Variants in HCN4 observed in about 807,000 individuals in gnomAD.
The protein encoded by HCN4 is hyperpolarization activated cyclic nucleotide gated potassium channel 4.
In HCN4, 29 loss-of-function variants were observed where a neutral mutation model predicts 76.9. The ratio of observed to expected loss-of-function variants is 0.38; its 90% CI spans 0.28 to 0.51. The LOEUF is 0.51. Ranked by LOEUF, HCN4 falls within the 20% of genes least tolerant of loss-of-function variation. The pLI is 0.90. For missense variants in HCN4, 1,416 were observed against 1,715.2 expected, an observed-to-expected ratio of 0.83 and a Z score of 3.08; for synonymous variants, 772 against 762.5, an observed-to-expected ratio of 1.01 and a Z score of -0.21.
Position 73,325,562 on chromosome 15 carries a change from C to A in HCN4, c.1591-118G>T, listed in dbSNP as rs899010840. 1.9e-6 allele frequency: 2 copies of A among 1,033,662 alleles called. No individual in the cohort carries two copies. Among genetic ancestry groups the A allele is most frequent in the African/African-American group, 3.1e-5 (2 of 63,794 alleles). 64.0% of individuals were successfully genotyped at this position (1,033,662 alleles called of 1,614,324 possible). On this transcript the variant is annotated intron_variant, in intron 4 of 7. Transcript: ENST00000261917. This position sits in a 1 kb window ranked among gnomAD's most constrained non-coding sequence, Gnocchi z 7.4. ...CACCCCGGGGGATTTCCTGGCTAAA[C>A]TTGGTTCCTTGAGATCTGAGGTCTA... is the stretch of plus-strand genomic sequence containing the variant.
At chr15:73,331,691 T>C (rs2042933655) in intron 3 of HCN4, among the ~76,000 whole-genome samples, 1 of 152,140 alleles carries the variant, frequency 6.6e-6, no homozygotes, top group South Asian at 2.1e-4. Context: ...GGGATCCCCC[T>C]GCCTCGGCCT....
Position 73,325,593 on chromosome 15 carries a change from T to C in HCN4, c.1591-149A>G. 1 of 797,534 alleles carries C rather than the reference T, an allele frequency of 1.3e-6. No individual in the cohort carries two copies. The highest frequency in any genetic ancestry group is 2.1e-6 in the Non-Finnish European group (1 of 472,500). 49.4% of individuals were successfully genotyped at this position (797,534 alleles called of 1,614,324 possible). A position where few individuals can be genotyped will look rare whatever the true frequency, so the allele number is the denominator to read the frequency against. The stretch of plus-strand genomic sequence containing the variant: ...TCCTTGAGATCTGAGGTCTACAGTG[T>C]GGAAATGACCTCACTGTGCTCAAAA... On this transcript the variant is annotated intron_variant, in intron 4 of 7. Coordinates refer to ENST00000261917, the MANE Select transcript of HCN4 (RefSeq NM_005477.3). The surrounding 1 kb of genome is among the most constrained non-coding windows in gnomAD (Gnocchi z 7.4).
At chr15:73,340,201 GT>G (rs1302283608) in intron 2 of HCN4, among the ~76,000 whole-genome samples, 2 of 152,228 alleles carry the variant, frequency 1.3e-5, no homozygotes, top group Admixed American at 6.5e-5. Context: ...GATGCATAAT[GT>G]GGGGACGTGA....
intron 1 of HCN4, among the ~76,000 whole-genome samples, chr15:73,347,477 C>T (rs2043034639): frequency 6.6e-6 from 1 of 152,130 alleles, no homozygotes; most frequent in South Asian, 2.1e-4. Context: ...GGCCCATGCT[C>T]CTGATGCTAG....
At position 73,368,254 on chromosome 15, in the gene HCN4, G is replaced by C. The variant is rs772656493; in HGVS notation, c.17C>G (p.Pro6Arg). The C allele has an allele frequency of 8.7e-6, 13 of 1,496,910 alleles. No individual in the cohort carries two copies. Among genetic ancestry groups the C allele is most frequent in the Non-Finnish European group, 1.2e-5 (13 of 1,126,432 alleles). The allele number at this position is 1,496,910 out of a possible 1,614,324, so 92.7% of individuals were successfully genotyped here. MDKLP[P>R]SMRKRLYSLP... ...GCTGTAGAGCCGCTTGCGCATGGAC[G>C]GCGGCAGCTTGTCCATGGCGCCAGG... The change falls in exon 1 of 8, where the codon CCG becomes CGG. Residue 6 changes from proline (P) to arginine (R), a missense_variant. Pro to Arg is a moderately radical substitution (Grantham distance 103). Transcript: ENST00000261917. The surrounding 1 kb of genome is among the most constrained non-coding windows in gnomAD (Gnocchi z 6.9).
intron 1 of HCN4, among the ~76,000 whole-genome samples, chr15:73,353,512 C>T: frequency 6.6e-6 from 1 of 152,202 alleles, no homozygotes; most frequent in East Asian, 1.9e-4. Context: ...GTCCATGACA[C>T]AGACACGTGA....
chr15:73,363,390 G>T (rs965165459), intron 1 of HCN4, among the ~76,000 whole-genome samples: 5 of 152,212 alleles, frequency 3.3e-5, no homozygotes, highest in Non-Finnish European at 7.3e-5. Context: ...TCTGAGCCCT[G>T]TTTTTGTTTC....
At position 73,329,566 on chromosome 15, in the gene HCN4, GAC is replaced by G; in HGVS notation, c.1590+5_1590+6del. 1 of 1,613,642 alleles carries G rather than the reference GAC, an allele frequency of 6.2e-7. No homozygotes were observed. Among genetic ancestry groups the G allele is most frequent in the Non-Finnish European group, 8.5e-7 (1 of 1,179,762 alleles). On this transcript the variant is annotated splice_donor_5th_base_variant and intron_variant, in intron 4 of 7. Transcript: ENST00000261917. ...CCAATGTGCGGGTGCTCCCTGGGTA[GAC>G]CTACCTTTTCCTGGTACTGGCGCCG...
chr15:73,368,326 G>C lies in HCN4; in HGVS notation c.-56C>G, dbSNP rs1360803177. ...GGGGCAGGAGCGCGGCGCCGCGGAC[G>C]GGCTCCAGGTCCGCCCGCCGGTCAG... On this transcript the variant is annotated 5_prime_UTR_variant, in exon 1 of 8. Coordinates refer to ENST00000261917, the MANE Select transcript of HCN4 (RefSeq NM_005477.3). The surrounding 1 kb of genome is among the most constrained non-coding windows in gnomAD (Gnocchi z 6.9). 5.4e-6 allele frequency: 7 copies of C among 1,303,228 alleles called. No individual in the cohort carries two copies. Among genetic ancestry groups the C allele is most frequent in the East Asian group, 6.2e-5 (2 of 32,002 alleles). 80.7% of individuals were successfully genotyped at this position (1,303,228 alleles called of 1,614,324 possible).
chr15:73,368,537 T>C lies in HCN4; in HGVS notation c.-267A>G. 3.8e-6 allele frequency: 1 copy of C among 265,870 alleles called. No individual in the cohort carries two copies. The highest frequency in any genetic ancestry group is 2.2e-5 in the African/African-American group (1 of 44,466). 16.5% of individuals were successfully genotyped at this position (265,870 alleles called of 1,614,324 possible). A position where few individuals can be genotyped will look rare whatever the true frequency, so the allele number is the denominator to read the frequency against. ...CGCGCTCCCTTCTTGCCTCCCTCCCTCCCTCTGGCGTTCAGGGGCGCGGCG... is the reference window on the plus strand; with the variant it reads ...CGCGCTCCCTTCTTGCCTCCCTCCCCCCCTCTGGCGTTCAGGGGCGCGGCG... On this transcript the variant is annotated 5_prime_UTR_variant, in exon 1 of 8. Coordinates refer to ENST00000261917, the MANE Select transcript of HCN4 (RefSeq NM_005477.3). The surrounding 1 kb of genome is among the most constrained non-coding windows in gnomAD (Gnocchi z 6.9).
intron 6 of HCN4, among the ~76,000 whole-genome samples, chr15:73,324,473 TG>T (rs2151215184): frequency 6.6e-6 from 1 of 152,362 alleles, no homozygotes; most frequent in Non-Finnish European, 1.5e-5. Context: ...CTGGACTGAA[TG>T]TGTTCCCCCA....
intron 7 of HCN4, 58 bp downstream of exon 7, chr15:73,324,031 C>A: frequency 1.2e-6 from 2 of 1,609,028 alleles, no homozygotes; most frequent in East Asian, 2.2e-5. Context: ...CATAAAGGAG[C>A]CCTGCCCTCC....
rs186357657 is a variant in HCN4, at chr15:73,325,950, G to A, written c.1591-506C>T. ...GCTGCTCGATGCTATGAATCCAAACGTGGCCTCAGCTGAGACCCCGGGTCA... is the reference window on the plus strand; with the variant it reads ...GCTGCTCGATGCTATGAATCCAAACATGGCCTCAGCTGAGACCCCGGGTCA... On this transcript the variant is annotated intron_variant, in intron 4 of 7. Coordinates refer to ENST00000261917, the MANE Select transcript of HCN4 (RefSeq NM_005477.3). This position sits in a 1 kb window ranked among gnomAD's most constrained non-coding sequence, Gnocchi z 7.4. Among the ~76,000 whole-genome samples the A allele has an allele frequency of 8.8e-4, 134 of 152,272 alleles. No homozygotes were observed. The Middle Eastern group carries it at 0.01, about 12-fold the overall frequency.
At chr15:73,327,980 CCTA>C (rs2042910632) in intron 4 of HCN4, among the ~76,000 whole-genome samples, 1 of 152,196 alleles carries the variant, frequency 6.6e-6, no homozygotes, top group African/African-American at 2.4e-5. Context: ...AAATGCTGAC[CCTA>C]CTGTGTGCCA....
rs1567764354 is a variant in HCN4 at position 73,320,802 on chromosome 15, C to T, written c.*1679G>A. The T allele has an allele frequency of 6.6e-6, 1 of 152,470 alleles. No homozygotes were observed. The highest frequency in any genetic ancestry group is 1.9e-4 in the East Asian group (1 of 5,178). The allele number at this position is 152,470 out of a possible 1,614,324, so 9.4% of individuals were successfully genotyped here. On this transcript the variant is annotated 3_prime_UTR_variant, in exon 8 of 8. Coordinates refer to ENST00000261917, the MANE Select transcript of HCN4 (RefSeq NM_005477.3). ...CCCACCATACACTCCATCCCACCCA[C>T]CATTCCCTCCCTCTCTCCCTGTTGA...
At chr15:73,361,815 A>G (rs921738966) in intron 1 of HCN4, among the ~76,000 whole-genome samples, 5 of 152,214 alleles carry the variant, frequency 3.3e-5, no homozygotes, top group African/African-American at 1.2e-4. Flanking sequence ...GGGGCAGGGA[A>G]GAAGGATATA....
rs778801845 is a variant in HCN4, at chr15:73,324,169, T to C, written c.2063A>G (p.Asn688Ser). 61 of 1,613,946 alleles carry C rather than the reference T, an allele frequency of 3.8e-5. No individual in the cohort carries two copies. Among genetic ancestry groups the C allele is most frequent in the Middle Eastern group, 3.3e-4 (2 of 6,046 alleles). ...GTACTCCTCCAGCACCTCATTGAAG[T>C]TGTCCACGCTCAGCGAGTAGAGGCG... ...YCRLYSLSVD[N>S]FNEVLEEYPM... The change falls in exon 7 of 8, where the codon AAC becomes AGC. Residue 688 changes from asparagine (N) to serine (S), a missense_variant. Transcript: ENST00000261917.
In HCN4 at chr15:73,339,381, G is replaced by C. The variant is rs111481512; in HGVS notation, c.1209+4004C>G. On this transcript the variant is annotated intron_variant, in intron 2 of 7. Transcript: ENST00000261917. ...CTGGGGGCCTGGTCTGGGCCCGGCT[G>C]GGGGAGGCAGTAGAAGCCTGGGGTC... 5.3e-4 allele frequency among the ~76,000 whole-genome samples: 81 copies of C among 152,326 alleles called. 1 individual carries two copies. Among genetic ancestry groups the C allele is most frequent in the Admixed American group, 2.2e-3 (34 of 15,304 alleles).
At chr15:73,345,963 T>G (rs548937937) in intron 1 of HCN4, among the ~76,000 whole-genome samples, 1 of 152,258 alleles carries the variant, frequency 6.6e-6, no homozygotes, top group African/African-American at 2.4e-5. Context: ...TCAATTACAG[T>G]CCAAATTTGA....
Sources: allele counts gnomAD v4.1 joint callset (sites outside exome capture counted in the v4.1 genomes callset), GRCh38; gene constraint gnomAD v4.1.1; non-coding constraint Gnocchi (gnomAD v3.1); transcripts MANE v1.5; gene names NCBI Gene and HGNC (gene_info 2026-07-23, HGNC 2026-07-21).